The following PPP1R37 variants were observed in gnomAD, a reference collection of about 807,000 sequenced individuals.
PPP1R37 encodes the protein leucine rich repeat containing 68.
Under a neutral mutation model 61.0 loss-of-function variants are expected in PPP1R37, and 21 were observed. The observed-to-expected ratio is 0.34, with a 90% CI of 0.24 to 0.50. PPP1R37 has a LOEUF of 0.50. Among genes scored for constraint, PPP1R37 ranks in the 20% least tolerant of loss-of-function variants. The probability of loss-of-function intolerance (pLI) is 0.98; values close to 1 mark genes in which losing one functional copy is unlikely to be tolerated. For synonymous variants in PPP1R37, 443 were observed against 433.5 expected (o/e 1.02, Z -0.27); for missense variants, 910 against 952.7 (o/e 0.96, Z 0.59).
intron 12 of PPP1R37, 40 bp from the exon 13 acceptor site, chr19:45,146,531 C>T (rs997453695): frequency 2.5e-5 from 33 of 1,295,106 alleles, no homozygotes; most frequent in Non-Finnish European, 3.3e-5. Flanking sequence ...GAGAGAGCCT[C>T]TGGCTCTGAC....
chr19:45,127,243 G>A (rs1968417047), intron 1 of PPP1R37, among the ~76,000 whole-genome samples: 1 of 151,522 alleles, frequency 6.6e-6, no homozygotes, highest in African/African-American at 2.4e-5. Flanking sequence ...CAGCTACTCG[G>A]AAGGCTGAGG....
chr19:45,101,849 C>T (rs1319554189), intron 1 of PPP1R37, among the ~76,000 whole-genome samples: 8 of 152,344 alleles, frequency 5.3e-5, no homozygotes, highest in South Asian at 4.1e-4. Context: ...GTAGGCTTGG[C>T]GTAGCCTCAT....
At chr19:45,115,303 T>C (rs1250158071) in intron 1 of PPP1R37, among the ~76,000 whole-genome samples, 1 of 152,138 alleles carries the variant, frequency 6.6e-6, no homozygotes, top group East Asian at 1.9e-4. Flanking sequence ...ATTGAACGCC[T>C]TAAACTCTTG....
intron 12 of PPP1R37, 42 bp downstream of exon 12, chr19:45,146,522 A>T: frequency 7.2e-7 from 1 of 1,392,024 alleles, no homozygotes; most frequent in Non-Finnish European, 9.8e-7. Flanking sequence ...GGAGGAGCTG[A>T]GAGAGCCTCT....
chr19:45,104,313 A>G (rs1288059261), intron 1 of PPP1R37, among the ~76,000 whole-genome samples: 1 of 152,056 alleles, frequency 6.6e-6, no homozygotes, highest in African/African-American at 2.4e-5. Flanking sequence ...GGCTCCTGGG[A>G]GGGGTGGAAC....
intron 1 of PPP1R37, among the ~76,000 whole-genome samples, chr19:45,124,930 C>T (rs1320485179): frequency 1.3e-5 from 2 of 152,060 alleles, no homozygotes; most frequent in Non-Finnish European, 2.9e-5. Flanking sequence ...ATGATTGAGC[C>T]GCTGAACTCC....
intron 1 of PPP1R37, among the ~76,000 whole-genome samples, chr19:45,127,352 C>CAAAA (rs11295552): frequency 5.7e-5 from 4 of 69,652 alleles, no homozygotes; most frequent in South Asian, 6.4e-4. Flanking sequence ...AACTCCATCT[C>CAAAA]AAAAAAAAAA....
chr19:45,128,617 C>T (rs1968438378), intron 1 of PPP1R37: 7 of 1,264,996 alleles, frequency 5.5e-6, no homozygotes, highest in Non-Finnish European at 6.8e-6. Context: ...GCCTCGGCCT[C>T]CTTCCCAATG....
chr19:45,133,935 G>A (rs1165813089), intron 1 of PPP1R37, among the ~76,000 whole-genome samples: 2 of 152,210 alleles, frequency 1.3e-5, no homozygotes, highest in African/African-American at 4.8e-5. Flanking sequence ...GGTGTGAAAT[G>A]CCTCGGGTAG....
intron 1 of PPP1R37, among the ~76,000 whole-genome samples, chr19:45,117,421 C>T (rs1375483998): frequency 6.6e-6 from 1 of 152,196 alleles, no homozygotes; most frequent in African/African-American, 2.4e-5. Context: ...TTGTCCTGGG[C>T]TGAGGAGTTG....
intron 1 of PPP1R37, among the ~76,000 whole-genome samples, chr19:45,117,505 G>A (rs747895688): frequency 1.3e-5 from 2 of 152,108 alleles, no homozygotes; most frequent in Admixed American, 6.6e-5. Flanking sequence ...GCTCCTGCAC[G>A]GTCTCCTAAG....
chr19:45,093,628 C>T (rs75350052), intron 1 of PPP1R37, 101 bp downstream of exon 1: 117,213 of 816,190 alleles, frequency 0.14, 9,323 homozygotes, highest in Middle Eastern at 0.18. Context: ...ATAGATTGCA[C>T]CTAATGGTGA....
intron 1 of PPP1R37, 29 bp downstream of exon 1, chr19:45,093,556 G>A (rs1967951504): frequency 6.6e-7 from 1 of 1,514,784 alleles, no homozygotes; most frequent in South Asian, 1.2e-5. Flanking sequence ...GCGGGGGCGG[G>A]CTCGAGAGGG....
chr19:45,099,798 G>A (rs565808925), intron 1 of PPP1R37, among the ~76,000 whole-genome samples: 1 of 152,354 alleles, frequency 6.6e-6, no homozygotes, highest in Non-Finnish European at 1.5e-5. Flanking sequence ...ACACCCCATG[G>A]TGGGATTTAC....
intron 2 of PPP1R37, among the ~76,000 whole-genome samples, chr19:45,139,181 T>C (rs1013588691): frequency 2.6e-5 from 4 of 152,050 alleles, no homozygotes; most frequent in African/African-American, 9.7e-5. Flanking sequence ...CCTCCTAAAA[T>C]GCTGAGATTA....
chr19:45,143,467 T>TC, intron 7 of PPP1R37, 54 bp from the exon 8 acceptor site: 1 of 1,117,998 alleles, frequency 8.9e-7, no homozygotes, highest in Non-Finnish European at 1.3e-6. Context: ...TGCAGTCCCC[T>TC]CCCCAGGAAG....
At chr19:45,109,761 G>C (rs1968177202) in intron 1 of PPP1R37, among the ~76,000 whole-genome samples, 1 of 152,192 alleles carries the variant, frequency 6.6e-6, no homozygotes, top group African/African-American at 2.4e-5. Flanking sequence ...AGCACCCTCT[G>C]TATGAGGGTC....
At chr19:45,140,449 C>G in intron 3 of PPP1R37, 57 bp from the exon 4 acceptor site, 2 of 1,432,000 alleles carry the variant, frequency 1.4e-6, no homozygotes, top group South Asian at 1.2e-5. Flanking sequence ...GAGGGCCCTT[C>G]CAGCCATGCA....
rs1968625605 is a variant in PPP1R37 at position 45,142,389 on chromosome 19, G to T, written c.805G>T (p.Gly269Cys). The T allele has an allele frequency of 1.3e-6, 2 of 1,536,104 alleles. No individual in the cohort carries two copies. Among genetic ancestry groups the T allele is most frequent in the Non-Finnish European group, 1.7e-6 (2 of 1,146,918 alleles). Residue 269 changes from glycine (G) to cysteine (C), a missense_variant, in exon 7 of 13, where the codon GGT (glycine) becomes TGT (cysteine). This residue lies in a region of PPP1R37 where 280 missense variants were observed against 382.2 expected (regional missense o/e 0.73). Coordinates refer to ENST00000221462, the MANE Select transcript of PPP1R37 (RefSeq NM_019121.2). ...LNGLQDSAQLGNLLKFNCSLQ... is the reference protein window; with the variant it reads ...LNGLQDSAQLCNLLKFNCSLQ... ...CGGCCTGCAGGACTCGGCCCAGCTG[G>T]GTAACCTGCTCAAGTTCAACTGCTC...
Sources: gnomAD v4.1 joint callset for allele counts (sites outside exome capture counted in the v4.1 genomes callset) on GRCh38, gnomAD v4.1.1 for gene constraint, gnomAD v4.1.1 regional missense constraint, MANE v1.5 for transcripts, NCBI Gene and HGNC (gene_info 2026-07-23, HGNC 2026-07-21) for gene names.